The following RGS6 variants were observed in gnomAD, a reference collection of about 807,000 sequenced individuals.
RGS6 encodes the protein regulator of G protein signaling 6.
Under a neutral mutation model 78.5 loss-of-function variants are expected in RGS6, and 30 were observed. The observed-to-expected ratio is 0.38, with a 90% CI of 0.29 to 0.52. RGS6 has a LOEUF of 0.52. RGS6 is among the 20% of genes least tolerant of loss of function. The probability of loss-of-function intolerance (pLI) is 0.85; values close to 1 mark genes in which losing one functional copy is unlikely to be tolerated. For synonymous variants in RGS6, 206 were observed against 206.0 expected, an observed-to-expected ratio of 1.00 and a Z score of 0.00; for missense variants, 495 against 609.7, an observed-to-expected ratio of 0.81 and a Z score of 1.98.
At chr14:71,933,277 C>T (rs2088166535) in intron 1 of RGS6, 1 of 152,230 alleles carries the variant, frequency 6.6e-6, no homozygotes, top group African/African-American at 2.4e-5. Context: ...TTAGATACTT[C>T]CAGTCTTCCG....
At chr14:71,936,952 C>A (rs2089538008) in intron 1 of RGS6, among the ~76,000 whole-genome samples, 1 of 152,118 alleles carries the variant, frequency 6.6e-6, no homozygotes, top group South Asian at 2.1e-4. Context: ...GTGGAGTGAC[C>A]CAAACCTTTA....
chr14:72,134,955 T>C (rs575760178), intron 2 of RGS6, among the ~76,000 whole-genome samples: 26 of 152,218 alleles, frequency 1.7e-4, no homozygotes, highest in Non-Finnish European at 2.9e-4. Context: ...CTTGACTCAG[T>C]CTACCAATTC....
intron 2 of RGS6, among the ~76,000 whole-genome samples, chr14:72,123,322 T>C (rs1036166793): frequency 9.9e-5 from 15 of 152,228 alleles, no homozygotes; most frequent in African/African-American, 3.6e-4. Context: ...CAAGTTAGGA[T>C]GCAGGAATTA....
At chr14:71,887,995 G>T in the RGS6 span, among the ~76,000 whole-genome samples, 17 of 152,098 alleles carry the variant, frequency 1.1e-4, no homozygotes, top group Admixed American at 7.9e-4. Context: ...CGGGCATCAC[G>T]GTCCTACCGA....
intron 3 of RGS6, among the ~76,000 whole-genome samples, chr14:72,410,608 A>G (rs1274567594): frequency 3.3e-5 from 5 of 152,144 alleles, no homozygotes; most frequent in South Asian, 2.1e-4. Flanking sequence ...TTTTGTTGCC[A>G]TTGCTTTTGG....
the RGS6 span, among the ~76,000 whole-genome samples, chr14:71,921,287 G>T: frequency 6.6e-6 from 1 of 151,988 alleles, no homozygotes; most frequent in Non-Finnish European, 1.5e-5. Flanking sequence ...GGAAAAAGGG[G>T]GTTCCCCCAA....
intron 2 of RGS6, among the ~76,000 whole-genome samples, chr14:72,182,637 T>G (rs755852875): frequency 6.6e-6 from 1 of 152,116 alleles, no homozygotes; most frequent in Non-Finnish European, 1.5e-5. Context: ...GAAAGTCAAG[T>G]GAAAACTTGG....
intron 2 of RGS6, among the ~76,000 whole-genome samples, chr14:72,231,603 G>A (rs1433311135): frequency 1.3e-5 from 2 of 152,216 alleles, no homozygotes; most frequent in African/African-American, 4.8e-5. Flanking sequence ...GTGTTATGAA[G>A]AATAGTAAAG....
intron 2 of RGS6, among the ~76,000 whole-genome samples, chr14:72,315,221 T>C (rs847354): frequency 0.61 from 93,303 of 152,090 alleles, 30,704 homozygotes; most frequent in African/African-American, 0.86. Context: ...GCAGTTACCA[T>C]GGCAGGGAAG....
At chr14:72,452,679 G>A (rs1261180032) in intron 3 of RGS6, among the ~76,000 whole-genome samples, 3 of 152,266 alleles carry the variant, frequency 2.0e-5, no homozygotes, top group East Asian at 1.9e-4. Flanking sequence ...TCAGACCCAC[G>A]GTAGGACTCT....
At chr14:72,511,160 A>T (rs1272534609) in intron 14 of RGS6, among the ~76,000 whole-genome samples, 1 of 152,202 alleles carries the variant, frequency 6.6e-6, no homozygotes, top group East Asian at 1.9e-4. Flanking sequence ...AATGGGTAAG[A>T]TGGAATCTCT....
chr14:71,948,849 T>G (rs2152986888), intron 1 of RGS6, among the ~76,000 whole-genome samples: 1 of 148,760 alleles, frequency 6.7e-6, no homozygotes, highest in Middle Eastern at 3.5e-3. Context: ...GCCTCTCAAG[T>G]AGCTACCACT....
Position 72,398,683 on chromosome 14 carries a change from G to T in RGS6, c.184+46489G>T, listed in dbSNP as rs145789546. ...AGACCTTTCATGCTTTCTCTTGTGG[G>T]CATTTAGTGCTATAAATTTCCCTCT... On this transcript the variant is annotated intron_variant, in intron 3 of 17. Coordinates refer to ENST00000553525, the MANE Select transcript of RGS6 (RefSeq NM_001204424.2). Among the ~76,000 whole-genome samples, 736 of 152,162 alleles carry T rather than the reference G, an allele frequency of 4.8e-3. 3 individuals carry two copies. The highest frequency in any genetic ancestry group is 8.3e-3 in the Non-Finnish European group (563 of 68,000).
At chr14:72,079,763 T>C (rs781435635) in intron 2 of RGS6, among the ~76,000 whole-genome samples, 8 of 152,210 alleles carry the variant, frequency 5.3e-5, no homozygotes, top group Non-Finnish European at 8.8e-5. Flanking sequence ...TTTTTTATTC[T>C]ACATGAGTGA....
At chr14:72,038,380 TCTTTGC>T (rs1472222047) in intron 2 of RGS6, among the ~76,000 whole-genome samples, 1 of 152,306 alleles carries the variant, frequency 6.6e-6, no homozygotes, top group East Asian at 1.9e-4. Context: ...TATTCTTGTT[TCTTTGC>T]CTTTCCATAT....
chr14:72,532,471 T>C (rs553021513), intron 15 of RGS6, among the ~76,000 whole-genome samples: 2 of 152,328 alleles, frequency 1.3e-5, no homozygotes, highest in East Asian at 3.9e-4. Flanking sequence ...TCTCTAAGTG[T>C]TCAGGCAAAA....
At chr14:72,627,401 A>G in the RGS6 span, among the ~76,000 whole-genome samples, 1 of 152,118 alleles carries the variant, frequency 6.6e-6, no homozygotes, top group Admixed American at 6.5e-5. Context: ...CATTCATTTA[A>G]AAGTCTGTCT....
At chr14:72,600,009 C>T in the RGS6 span, among the ~76,000 whole-genome samples, 2,605 of 152,224 alleles carry the variant, frequency 0.017, 81 homozygotes, top group African/African-American at 0.059. Context: ...GGGCCTGCCC[C>T]TCCGGTGGGC....
chr14:72,436,762 CA>C (rs2094931343), intron 3 of RGS6, among the ~76,000 whole-genome samples: 1 of 152,164 alleles, frequency 6.6e-6, no homozygotes, highest in African/African-American at 2.4e-5. Context: ...AGTAACCAAA[CA>C]ATCAAAACCA....
Sources: gnomAD v4.1 joint callset for allele counts (sites outside exome capture counted in the v4.1 genomes callset) on GRCh38, gnomAD v4.1.1 for gene constraint, MANE v1.5 for transcripts, NCBI Gene and HGNC (gene_info 2026-07-23, HGNC 2026-07-21) for gene names.